NME7: variants seen among roughly 807,000 people sequenced by gnomAD.
NME7 encodes nucleoside diphosphate kinase 7.
In NME7, 41 loss-of-function variants were observed where a neutral mutation model predicts 49.1. The ratio of observed to expected loss-of-function variants is 0.83; its 90% CI spans 0.65 to 1.08. The LOEUF is 1.08. Ranked by LOEUF, NME7 falls within the 50% of genes least tolerant of loss-of-function variation. The probability of loss-of-function intolerance (pLI) is 0.00; values close to 1 mark genes in which losing one functional copy is unlikely to be tolerated. For synonymous variants in NME7, 139 were observed against 150.6 expected, an observed-to-expected ratio of 0.92 and a Z score of 0.56; for missense variants, 423 against 463.4, an observed-to-expected ratio of 0.91 and a Z score of 0.80.
At chr1:169,224,401 C>A (rs897793782) in intron 10 of NME7, among the ~76,000 whole-genome samples, 2 of 152,160 alleles carry the variant, frequency 1.3e-5, no homozygotes, top group African/African-American at 2.4e-5. Context: ...GGTTGTCTTT[C>A]CAAGTCTGAA....
chr1:169,355,236 AATATATT>A (rs1470842938), intron 1 of NME7, among the ~76,000 whole-genome samples: 1 of 76,892 alleles, frequency 1.3e-5, no homozygotes, highest in African/African-American at 5.1e-5. Flanking sequence ...TATAATATAT[AATATATT>A]ATATATTATA....
intron 7 of NME7, among the ~76,000 whole-genome samples, chr1:169,281,577 T>C (rs1650017530): frequency 6.6e-6 from 1 of 152,208 alleles, no homozygotes; most frequent in African/African-American, 2.4e-5. Context: ...CAGTATGATA[T>C]TGGCTGTGGG....
chr1:169,302,882 T>TTTAAAAG (rs1651002508), intron 5 of NME7, among the ~76,000 whole-genome samples: 1 of 152,184 alleles, frequency 6.6e-6, no homozygotes, highest in South Asian at 2.1e-4. Context: ...AACCAAAAAT[T>TTTAAAAG]TTAAAAGTTA....
At chr1:169,256,104 T>G (rs1285473249) in intron 7 of NME7, among the ~76,000 whole-genome samples, 10 of 132,666 alleles carry the variant, frequency 7.5e-5, no homozygotes, top group South Asian at 2.3e-4. Flanking sequence ...AATCTGAATG[T>G]TGGCCTGCCT....
intron 3 of NME7, among the ~76,000 whole-genome samples, chr1:169,321,431 C>A (rs78455421): frequency 0.015 from 2,220 of 152,298 alleles, 59 homozygotes; most frequent in African/African-American, 0.05. Flanking sequence ...ATCATAGTGT[C>A]TGGCACATAG....
At chr1:169,230,389 C>G (rs188365304) in intron 10 of NME7, among the ~76,000 whole-genome samples, 1 of 152,066 alleles carries the variant, frequency 6.6e-6, no homozygotes, top group East Asian at 1.9e-4. Flanking sequence ...CCCCCTATGT[C>G]AAAGGATATA....
chr1:169,174,192 T>C (rs1244202515), intron 10 of NME7, among the ~76,000 whole-genome samples: 1 of 151,534 alleles, frequency 6.6e-6, no homozygotes, highest in Non-Finnish European at 1.5e-5. Flanking sequence ...AAATATAGAA[T>C]AGTGATTGGC....
chr1:169,294,687 G>T (rs1307798535), intron 6 of NME7, among the ~76,000 whole-genome samples: 3 of 151,982 alleles, frequency 2.0e-5, no homozygotes, highest in Admixed American at 2.0e-4. Flanking sequence ...CCAGACAAGG[G>T]TAAAAAAATA....
intron 11 of NME7, among the ~76,000 whole-genome samples, chr1:169,160,010 T>C (rs1230401017): frequency 6.6e-6 from 1 of 152,172 alleles, no homozygotes; most frequent in Admixed American, 6.5e-5. Flanking sequence ...CTCTAGTGAC[T>C]GATACTGATC....
At position 169,314,748 on chromosome 1, in the gene NME7, C is replaced by T. The variant is rs560667294; in HGVS notation, c.279-4668G>A. Among the ~76,000 whole-genome samples, 22 of 149,262 alleles carry T rather than the reference C, an allele frequency of 1.5e-4. No individual in the cohort carries two copies. In the South Asian group the frequency reaches 4.3e-3, roughly 29 times the overall value. ...ACCTGTACATTCTGCACACGTATCC[C>T]GGAACTTAAAGAAAAAAAAAGATAT... On this transcript the variant is annotated intron_variant, in intron 3 of 11. Coordinates refer to ENST00000367811, the MANE Select transcript of NME7 (RefSeq NM_013330.5).
rs565699685 is a variant in NME7, at chr1:169,259,267, G to A, written c.755-21580C>T. ...ATCATGACCCTTTCTTCTCTTAGGG[G>A]AGACACCTACCTGACTTTGGAATAA... is the stretch of plus-strand genomic sequence containing the variant. On this transcript the variant is annotated intron_variant, in intron 7 of 11. Coordinates refer to ENST00000367811, the MANE Select transcript of NME7 (RefSeq NM_013330.5). 8.0e-4 allele frequency among the ~76,000 whole-genome samples: 106 copies of A among 132,504 alleles called. 31 individuals carry two copies. The highest frequency in any genetic ancestry group is 1.4e-3 in the Non-Finnish European group (80 of 56,364). 86.9% of individuals were successfully genotyped at this position (132,504 alleles called of 152,430 possible).
intron 1 of NME7, among the ~76,000 whole-genome samples, chr1:169,343,969 T>C (rs1652867722): frequency 1.3e-5 from 2 of 152,214 alleles, no homozygotes; most frequent in South Asian, 2.1e-4. Context: ...GGGATTTTGA[T>C]AGGAATTGCA....
intron 7 of NME7, among the ~76,000 whole-genome samples, chr1:169,251,230 CTTCT>C (rs1401534300): frequency 1.3e-5 from 2 of 151,722 alleles, no homozygotes; most frequent in Non-Finnish European, 2.9e-5. Flanking sequence ...ATATAATGAC[CTTCT>C]TTGTCTTTTT....
At chr1:169,347,117 A>T (rs1179012771) in intron 1 of NME7, among the ~76,000 whole-genome samples, 3 of 152,214 alleles carry the variant, frequency 2.0e-5, no homozygotes, top group Admixed American at 6.5e-5. Flanking sequence ...AGGCTGAGGC[A>T]CGAAGATCAC....
intron 7 of NME7, among the ~76,000 whole-genome samples, chr1:169,252,059 C>T (rs935035007): frequency 4.0e-5 from 6 of 148,820 alleles, no homozygotes; most frequent in African/African-American, 1.5e-4. Flanking sequence ...GATTTATAGT[C>T]CTTTGGGTAT....
intron 10 of NME7, among the ~76,000 whole-genome samples, chr1:169,181,686 C>T (rs894400592): frequency 6.6e-6 from 1 of 152,130 alleles, no homozygotes; most frequent in African/African-American, 2.4e-5. Context: ...TAATAAGCTC[C>T]ACTTTCATTT....
chr1:169,300,578 T>C (rs1017024907), intron 5 of NME7, among the ~76,000 whole-genome samples: 2 of 152,180 alleles, frequency 1.3e-5, no homozygotes, highest in Non-Finnish European at 2.9e-5. Context: ...GTGTAACATA[T>C]ATTATCTGTT....
chr1:169,242,500 C>T (rs1648133051), intron 7 of NME7, among the ~76,000 whole-genome samples: 1 of 151,884 alleles, frequency 6.6e-6, no homozygotes, highest in Non-Finnish European at 1.5e-5. Context: ...GCTTTCCATG[C>T]AAGACAGTAA....
intron 6 of NME7, among the ~76,000 whole-genome samples, chr1:169,293,942 C>A: frequency 6.6e-6 from 1 of 151,832 alleles, no homozygotes; most frequent in Non-Finnish European, 1.5e-5. Flanking sequence ...TTTTTTTTAA[C>A]CGTATGAATG....
Sources: allele counts gnomAD v4.1 joint callset (sites outside exome capture counted in the v4.1 genomes callset), GRCh38; gene constraint gnomAD v4.1.1; transcripts MANE v1.5; gene names NCBI Gene and HGNC (gene_info 2026-07-23, HGNC 2026-07-21).